The following KLHL24 variants were observed in gnomAD, a reference collection of about 807,000 sequenced individuals.
KLHL24 encodes kelch like family member 24, also known as kelch-like protein 24.
A neutral mutation model predicts 53.4 loss-of-function variants in KLHL24; 29 were observed. The ratio of observed to expected loss-of-function variants is 0.54; its 90% CI spans 0.40 to 0.74. The LOEUF (loss-of-function observed/expected upper bound fraction) is 0.74. Among genes scored for constraint, KLHL24 ranks in the 30% least tolerant of loss-of-function variants. The probability of loss-of-function intolerance (pLI) is 0.00; values close to 1 mark genes in which losing one functional copy is unlikely to be tolerated. For missense variants in KLHL24, 504 were observed against 744.0 expected, an observed-to-expected ratio of 0.68 and a Z score of 3.75; for synonymous variants, 222 against 253.7, an observed-to-expected ratio of 0.88 and a Z score of 1.19.
chr3:183,640,743 G>A (rs1307182761), intron 1 of KLHL24, among the ~76,000 whole-genome samples: 1 of 151,940 alleles, frequency 6.6e-6, no homozygotes, highest in Middle Eastern at 3.2e-3. Flanking sequence ...GGGATTACAG[G>A]TGCCCGCCAC....
intron 3 of KLHL24, among the ~76,000 whole-genome samples, chr3:183,656,035 A>ATTTTT (rs1164537420): frequency 3.4e-4 from 36 of 104,400 alleles, no homozygotes; most frequent in East Asian, 1.8e-3. Context: ...TGCCCTTAGC[A>ATTTTT]TCTTTTTTTT....
intron 3 of KLHL24, among the ~76,000 whole-genome samples, chr3:183,660,371 T>C (rs1282836562): frequency 1.3e-5 from 2 of 152,166 alleles, no homozygotes; most frequent in African/African-American, 4.8e-5. Context: ...GCTCAAGTGA[T>C]CCTCCCCCTG....
chr3:183,677,916 C>T (rs1229215253), intron 7 of KLHL24, among the ~76,000 whole-genome samples: 3 of 152,032 alleles, frequency 2.0e-5, no homozygotes, highest in Admixed American at 6.6e-5. Context: ...CTCAGCCTCC[C>T]GAGTAGTAGG....
At chr3:183,674,124 C>G (rs1166469422) in intron 7 of KLHL24, among the ~76,000 whole-genome samples, 1 of 151,566 alleles carries the variant, frequency 6.6e-6, no homozygotes, top group African/African-American at 2.4e-5. Context: ...CTATTTTTTC[C>G]ATTCCTATTG....
intron 2 of KLHL24, among the ~76,000 whole-genome samples, chr3:183,646,055 G>GTT (rs71185669): frequency 6.9e-6 from 1 of 145,322 alleles, no homozygotes; most frequent in Non-Finnish European, 1.5e-5. Flanking sequence ...TTTTTGTTTT[G>GTT]TTTTTTTTTT....
chr3:183,664,234 A>AT (rs1720210626), intron 4 of KLHL24: 1 of 152,222 alleles, frequency 6.6e-6, no homozygotes, highest in South Asian at 2.1e-4. Context: ...ATATGCTGTA[A>AT]TTTTTTAAAC....
intron 3 of KLHL24, among the ~76,000 whole-genome samples, chr3:183,653,587 T>G (rs937176361): frequency 1.3e-5 from 2 of 152,202 alleles, no homozygotes; most frequent in African/African-American, 4.8e-5. Flanking sequence ...TTTAGGCATG[T>G]TTTGTGACTT....
At chr3:183,672,146 G>A (rs1260460168) in intron 6 of KLHL24, 150 bp from the exon 7 acceptor site, 2 of 435,740 alleles carry the variant, frequency 4.6e-6, no homozygotes, top group East Asian at 6.9e-5. Flanking sequence ...TCGTAATTCA[G>A]ACATTTCACT....
intron 1 of KLHL24, among the ~76,000 whole-genome samples, chr3:183,639,629 CAAAAAAAAAAAAAA>C (rs767908911): frequency 2.5e-5 from 1 of 39,472 alleles, no homozygotes; most frequent in Admixed American, 2.5e-4. Context: ...GACTCTGTCT[CAAAAAAAAAAAAAA>C]AAAAAAAAAA....
At chr3:183,666,667 T>G (rs2108856166) in intron 5 of KLHL24, among the ~76,000 whole-genome samples, 1 of 152,358 alleles carries the variant, frequency 6.6e-6, no homozygotes, top group Admixed American at 6.5e-5. Flanking sequence ...GCATTTCCTT[T>G]GAGCATTAAT....
At chr3:183,659,137 T>G (rs1719330929) in intron 3 of KLHL24, among the ~76,000 whole-genome samples, 1 of 130,780 alleles carries the variant, frequency 7.6e-6, no homozygotes, top group Non-Finnish European at 1.6e-5. Context: ...ATTTGTAGGT[T>G]GTTGATTTTT....
chr3:183,664,606 A>G lies in KLHL24; in HGVS notation c.1106-315A>G, dbSNP rs370024708. On this transcript the variant is annotated intron_variant, in intron 4 of 7. Coordinates refer to ENST00000242810, the MANE Select transcript of KLHL24 (RefSeq NM_017644.3). ...AAAAAAAAACCTTTAGAATAATACC[A>G]TTATTTGCGTGCTTCTGATGTCTTA... is the stretch of plus-strand genomic sequence containing the variant. Among the ~76,000 whole-genome samples the G allele has an allele frequency of 1.3e-4, 20 of 152,182 alleles. 1 individual carries two copies. Among genetic ancestry groups the G allele is most frequent in the Admixed American group, 5.2e-4 (8 of 15,286 alleles).
Position 183,664,558 on chromosome 3 carries a change from C to A in KLHL24, c.1106-363C>A, listed in dbSNP as rs575212726. On this transcript the variant is annotated intron_variant, in intron 4 of 7. Coordinates refer to ENST00000242810, the MANE Select transcript of KLHL24 (RefSeq NM_017644.3). ...ATACTTTATTTTTTACAATAGTATG[C>A]TTTTTGAAAAATCGGTCAATTAAAA... 2.0e-5 allele frequency among the ~76,000 whole-genome samples: 3 copies of A among 151,706 alleles called. No individual in the cohort carries two copies. The South Asian group carries it at 6.2e-4, about 32-fold the overall frequency.
At chr3:183,679,048 C>G in intron 7 of KLHL24, 38 bp from the exon 8 acceptor site, 1 of 1,506,984 alleles carries the variant, frequency 6.6e-7, no homozygotes, top group Non-Finnish European at 9.2e-7. Flanking sequence ...CCTTTATCTT[C>G]AATGGTTAAT....
chr3:183,656,785 C>T (rs571200193), intron 3 of KLHL24, among the ~76,000 whole-genome samples: 32 of 151,888 alleles, frequency 2.1e-4, no homozygotes, highest in African/African-American at 7.5e-4. Flanking sequence ...CTGGGCCGGG[C>T]GCAGTGGCTC....
intron 2 of KLHL24, among the ~76,000 whole-genome samples, chr3:183,647,655 G>T (rs1057459117): frequency 1.3e-5 from 2 of 152,056 alleles, no homozygotes; most frequent in African/African-American, 4.8e-5. Flanking sequence ...AGGTTACAGT[G>T]AGCCAAGATG....
At chr3:183,660,131 C>CTTTT (rs11366516) in intron 3 of KLHL24, among the ~76,000 whole-genome samples, 3 of 135,422 alleles carry the variant, frequency 2.2e-5, no homozygotes, top group Non-Finnish European at 3.2e-5. Flanking sequence ...GTTTTTCTTT[C>CTTTT]TTTTTTTTTT....
chr3:183,672,273 T>G, intron 6 of KLHL24, 23 bp from the exon 7 acceptor site: 2 of 1,301,016 alleles, frequency 1.5e-6, no homozygotes, highest in Middle Eastern at 2.1e-4. Flanking sequence ...AAATTTTAAT[T>G]ATATATTTTT....
At chr3:183,648,874 G>A (rs1717705963) in intron 2 of KLHL24, among the ~76,000 whole-genome samples, 2 of 152,044 alleles carry the variant, frequency 1.3e-5, no homozygotes, top group South Asian at 4.2e-4. Context: ...TGGTGGGTAC[G>A]TGCCTGTAGT....
Sources: gnomAD v4.1 joint callset for allele counts (sites outside exome capture counted in the v4.1 genomes callset) on GRCh38, gnomAD v4.1.1 for gene constraint, MANE v1.5 for transcripts, NCBI Gene and HGNC (gene_info 2026-07-23, HGNC 2026-07-21) for gene names.